BAIAP2L1: variants seen among roughly 807,000 people sequenced by gnomAD.
BAIAP2L1 encodes BAR/IMD domain containing adaptor protein 2 like 1.
In BAIAP2L1, 35 loss-of-function variants were observed where a neutral mutation model predicts 66.3. The ratio of observed to expected loss-of-function variants is 0.53; its 90% CI spans 0.40 to 0.70. The LOEUF (loss-of-function observed/expected upper bound fraction) is 0.70, where lower values mean the gene tolerates loss of function less well. Among genes scored for constraint, BAIAP2L1 ranks in the 30% least tolerant of loss-of-function variants. The pLI is 0.00. For missense variants in BAIAP2L1, 622 were observed against 656.9 expected, an observed-to-expected ratio of 0.95 and a Z score of 0.58; for synonymous variants, 269 against 248.7, an observed-to-expected ratio of 1.08 and a Z score of -0.77.
chr7:98,388,563 AT>A (rs1207294841), intron 1 of BAIAP2L1, among the ~76,000 whole-genome samples: 1 of 152,232 alleles, frequency 6.6e-6, no homozygotes, highest in Non-Finnish European at 1.5e-5. Context: ...TTGTTCCTGC[AT>A]TTATTGTTCA....
chr7:98,393,340 C>A (rs1442192622), intron 1 of BAIAP2L1, among the ~76,000 whole-genome samples: 1 of 150,714 alleles, frequency 6.6e-6, no homozygotes, highest in East Asian at 2.0e-4. Context: ...CTGCACCCGG[C>A]CATGAAAGGG....
At chr7:98,377,212 T>C (rs140829761) in intron 1 of BAIAP2L1, among the ~76,000 whole-genome samples, 2 of 152,180 alleles carry the variant, frequency 1.3e-5, no homozygotes, top group Admixed American at 1.3e-4. Flanking sequence ...ATTTTACCCA[T>C]CTATTTCTTG....
intron 1 of BAIAP2L1, among the ~76,000 whole-genome samples, chr7:98,393,175 A>ACATATATG (rs1554341929): frequency 2.2e-5 from 3 of 138,098 alleles, no homozygotes; most frequent in African/African-American, 8.1e-5. Context: ...ATGTATATAT[A>ACATATATG]TACATATATG....
rs11385557 is a variant in BAIAP2L1 at position 98,315,622 on chromosome 7, A to T, written c.487-10T>A. Reference sequence around the variant, plus strand: ...TAACGGTCTCCACATACTAAAAAAAAAAAAATAATAATAATAATAATTATA... The same window carrying T: ...TAACGGTCTCCACATACTAAAAAAATAAAAATAATAATAATAATAATTATA... On this transcript the variant is annotated splice_polypyrimidine_tract_variant and intron_variant, in intron 6 of 13. Transcript: ENST00000005260. 6,745 of 1,070,598 alleles carry T rather than the reference A, an allele frequency of 6.3e-3. 737 individuals are homozygous for T. The highest frequency in any genetic ancestry group is 0.016 in the Admixed American group (339 of 21,702). 66.3% of individuals were successfully genotyped at this position (1,070,598 alleles called of 1,614,324 possible).
chr7:98,393,622 C>A (rs546676078), intron 1 of BAIAP2L1, among the ~76,000 whole-genome samples: 1 of 151,678 alleles, frequency 6.6e-6, no homozygotes. Flanking sequence ...CTCAGCCTCC[C>A]GAGTAGCTGG....
chr7:98,293,526 G>C lies in BAIAP2L1; in HGVS notation c.1531C>G (p.Arg511Gly), dbSNP rs1439499536. 1 of 1,613,216 alleles carries C rather than the reference G, an allele frequency of 6.2e-7. No homozygotes were observed. The highest frequency in any genetic ancestry group is 1.1e-5 in the South Asian group (1 of 91,046). The change falls in exon 14 of 14, where the codon CGA (arginine) becomes GGA (glycine). Residue 511 changes from arginine to glycine, a missense_variant. Coordinates refer to ENST00000005260, the MANE Select transcript of BAIAP2L1 (RefSeq NM_018842.5). ...VTNDRSAPII[R>G] ...GAGAGTCCTTGGCTGTCCTCTCATCGAATGATGGGTGCCGAGCGATCATTC... is the reference window on the plus strand; with the variant it reads ...GAGAGTCCTTGGCTGTCCTCTCATCCAATGATGGGTGCCGAGCGATCATTC...
chr7:98,393,175 A>ATATACACACACATGTG (rs1554341927), intron 1 of BAIAP2L1, among the ~76,000 whole-genome samples: 1 of 138,098 alleles, frequency 7.2e-6, no homozygotes, highest in African/African-American at 2.7e-5. Context: ...ATGTATATAT[A>ATATACACACACATGTG]TACATATATG....
At position 98,310,533 on chromosome 7, in the gene BAIAP2L1, T is replaced by A. The variant is rs1397369644; in HGVS notation, c.867A>T (p.Ser289=). The A allele has an allele frequency of 1.2e-6, 2 of 1,600,368 alleles. No individual in the cohort carries two copies. The highest frequency in any genetic ancestry group is 2.7e-5 in the African/African-American group (2 of 74,154). ...TCAAGGGACTGGTATATGCTCTGCCTGAAGGAGCGGGGGGCATCTTTGGTG... is the reference window on the plus strand; with the variant it reads ...TCAAGGGACTGGTATATGCTCTGCCAGAAGGAGCGGGGGGCATCTTTGGTG... ...KCSPKMPPAP[S]GRAYTSPLID... Residue 289 remains serine (S), a synonymous_variant, in exon 9 of 14, where the codon TCA becomes TCT. Coordinates refer to ENST00000005260, the MANE Select transcript of BAIAP2L1 (RefSeq NM_018842.5).
intron 3 of BAIAP2L1, among the ~76,000 whole-genome samples, chr7:98,335,046 A>C (rs1390352484): frequency 6.7e-6 from 1 of 149,744 alleles, no homozygotes; most frequent in African/African-American, 2.4e-5. Context: ...TCAGCCACTC[A>C]GAAGTCTGAG....
At chr7:98,372,980 T>G (rs1415850421) in intron 1 of BAIAP2L1, among the ~76,000 whole-genome samples, 1 of 152,192 alleles carries the variant, frequency 6.6e-6, no homozygotes, top group Non-Finnish European at 1.5e-5. Flanking sequence ...CCTCAGGTGA[T>G]CTGGCCGCCT....
At chr7:98,295,070 C>CTCCCA in intron 12 of BAIAP2L1, among the ~76,000 whole-genome samples, 1 of 152,236 alleles carries the variant, frequency 6.6e-6, no homozygotes, top group Admixed American at 6.5e-5. Flanking sequence ...CCCCAGGAAG[C>CTCCCA]GTCCCAGCAC....
chr7:98,384,654 A>C lies in BAIAP2L1; in HGVS notation c.51+16148T>G, dbSNP rs1418280859. Among the ~76,000 whole-genome samples, 3 of 149,776 alleles carry C rather than the reference A, an allele frequency of 2.0e-5. No homozygotes were observed. In the East Asian group the frequency reaches 5.9e-4, roughly 29 times the overall value. The stretch of plus-strand genomic sequence containing the variant: ...GTAGTATCTGGAATCATTCTAGCTA[A>C]CTTCCTTCAACCAGACTCTGTGAGA... On this transcript the variant is annotated intron_variant, in intron 1 of 13. Transcript: ENST00000005260.
intron 1 of BAIAP2L1, among the ~76,000 whole-genome samples, chr7:98,387,211 G>C (rs1431245375): frequency 1.3e-5 from 2 of 152,186 alleles, no homozygotes; most frequent in South Asian, 2.1e-4. Context: ...GCGGAGGAGA[G>C]GGGCTGCGGC....
At chr7:98,301,767 G>A (rs1005238692) in intron 12 of BAIAP2L1, among the ~76,000 whole-genome samples, 4 of 152,130 alleles carry the variant, frequency 2.6e-5, no homozygotes, top group East Asian at 3.9e-4. Flanking sequence ...GGAGGCAGCC[G>A]GGGACTGGAT....
intron 3 of BAIAP2L1, among the ~76,000 whole-genome samples, chr7:98,352,993 C>A (rs1295837262): frequency 2.0e-5 from 3 of 151,920 alleles, no homozygotes; most frequent in Non-Finnish European, 4.4e-5. Context: ...TTTTTGGAAC[C>A]CTATAATCAT....
Position 98,394,258 on chromosome 7 carries a change from C to CAAACAAACA in BAIAP2L1, c.51+6543_51+6544insTGTTTGTTT, listed in dbSNP as rs939365257. On this transcript the variant is annotated intron_variant, in intron 1 of 13. Coordinates refer to ENST00000005260, the MANE Select transcript of BAIAP2L1 (RefSeq NM_018842.5). Reference sequence around the variant, plus strand: ...TCCGTCTCAAAAACAAACAAACAAACAAAAAAACCCACACATAAAACAAAC... The same window carrying CAAACAAACA: ...TCCGTCTCAAAAACAAACAAACAAACAAACAAACAAAAAAAACCCACACATAAAACAAAC... 4.6e-3 allele frequency among the ~76,000 whole-genome samples: 702 copies of CAAACAAACA among 151,746 alleles called. 10 individuals carry two copies. Among genetic ancestry groups the CAAACAAACA allele is most frequent in the African/African-American group, 0.016 (662 of 41,394 alleles).
At chr7:98,393,461 T>C (rs1364073685) in intron 1 of BAIAP2L1, among the ~76,000 whole-genome samples, 1 of 152,110 alleles carries the variant, frequency 6.6e-6, no homozygotes, top group Non-Finnish European at 1.5e-5. Context: ...TAAATATTAA[T>C]GAAAATACCT....
Position 98,320,132 on chromosome 7 carries a change from G to A in BAIAP2L1, c.277-3C>T. The stretch of plus-strand genomic sequence containing the variant: ...ATCTCTTTGTGGAATTTTTTAAACT[G>A]TTAACAAAAGGAAATAAATTCATAC... On this transcript the variant is annotated splice_polypyrimidine_tract_variant and splice_region_variant and intron_variant, in intron 4 of 13. Coordinates refer to ENST00000005260, the MANE Select transcript of BAIAP2L1 (RefSeq NM_018842.5). The A allele has an allele frequency of 6.2e-7, 1 of 1,608,924 alleles. No individual in the cohort carries two copies. The highest frequency in any genetic ancestry group is 8.5e-7 in the Non-Finnish European group (1 of 1,176,320).
At chr7:98,363,305 G>T (rs1448669616) in intron 1 of BAIAP2L1, among the ~76,000 whole-genome samples, 1 of 152,002 alleles carries the variant, frequency 6.6e-6, no homozygotes, top group Non-Finnish European at 1.5e-5. Context: ...AAAATGCTGG[G>T]ATTACAGGCA....
Sources: allele counts gnomAD v4.1 joint callset (sites outside exome capture counted in the v4.1 genomes callset), GRCh38; gene constraint gnomAD v4.1.1; transcripts MANE v1.5; gene names NCBI Gene and HGNC (gene_info 2026-07-23, HGNC 2026-07-21).